The following ZDHHC13 variants were observed in gnomAD, a reference collection of about 807,000 sequenced individuals.
ZDHHC13 encodes zDHHC palmitoyltransferase 13.
In ZDHHC13, 85 loss-of-function variants were observed where a neutral mutation model predicts 86.0. The ratio of observed to expected loss-of-function variants is 0.99; its 90% CI spans 0.83 to 1.18. The LOEUF (loss-of-function observed/expected upper bound fraction) is 1.18, where lower values mean the gene tolerates loss of function less well. Among genes scored for constraint, ZDHHC13 ranks in the 50% most tolerant of loss-of-function variants. The pLI, the probability that ZDHHC13 is intolerant of heterozygous loss-of-function variation, is 0.00. For missense variants in ZDHHC13, 711 were observed against 730.2 expected (o/e 0.97, Z 0.30); for synonymous variants, 263 against 246.4 (o/e 1.07, Z -0.63).
Position 19,123,949 on chromosome 11 carries a change from A to C in ZDHHC13, c.27+6673A>C, listed in dbSNP as rs562953868. Reference sequence around the variant, plus strand: ...AGAAAGAACACGTATATACTTTGCTATTGGGACTGTGAATTGGGGAGAGTA... The same window carrying C: ...AGAAAGAACACGTATATACTTTGCTCTTGGGACTGTGAATTGGGGAGAGTA... On this transcript the variant is annotated intron_variant, in intron 1 of 16. Coordinates refer to ENST00000446113, the MANE Select transcript of ZDHHC13 (RefSeq NM_019028.3). Among the ~76,000 whole-genome samples, 165 of 152,234 alleles carry C rather than the reference A, an allele frequency of 1.1e-3. 1 individual carries two copies. The highest frequency in any genetic ancestry group is 4.0e-3 in the African/African-American group (165 of 41,552).
intron 13 of ZDHHC13, 42 bp downstream of exon 13, chr11:19,165,187 A>G (rs758626178): frequency 6.4e-6 from 10 of 1,567,602 alleles, no homozygotes; most frequent in Admixed American, 1.8e-5. Context: ...GAAGTTAAGC[A>G]TATGTTTAGT....
At chr11:19,163,047 A>G (rs1051215110) in intron 10 of ZDHHC13, among the ~76,000 whole-genome samples, 1 of 152,178 alleles carries the variant, frequency 6.6e-6, no homozygotes, top group Non-Finnish European at 1.5e-5. Context: ...GTCACTTTTC[A>G]GGATGTTCCT....
chr11:19,117,117 C>A (rs574000176), upstream of ZDHHC13: 2 of 976,662 alleles, frequency 2.0e-6, no homozygotes, highest in East Asian at 5.5e-5. This position sits in a 1 kb window ranked among gnomAD's most constrained non-coding sequence, Gnocchi z 4.2. Flanking sequence ...GCTCAGGGCA[C>A]GAGCGGGGAC....
At chr11:19,142,259 G>T (rs1357069885) in intron 1 of ZDHHC13, among the ~76,000 whole-genome samples, 1 of 152,100 alleles carries the variant, frequency 6.6e-6, no homozygotes, top group Non-Finnish European at 1.5e-5. Flanking sequence ...CCTGAAGACT[G>T]CCCACAGTTC....
chr11:19,169,050 G>T (rs1419628734), intron 14 of ZDHHC13: 4 of 985,454 alleles, frequency 4.1e-6, no homozygotes, highest in Non-Finnish European at 4.8e-6. Context: ...ATAAGATAAT[G>T]TACGTGACAA....
chr11:19,122,614 CAG>C (rs1286788045), intron 1 of ZDHHC13, among the ~76,000 whole-genome samples: 1 of 152,062 alleles, frequency 6.6e-6, no homozygotes, highest in Non-Finnish European at 1.5e-5. Flanking sequence ...ACCTTGTAAA[CAG>C]AGTATAAGGA....
At position 19,147,779 on chromosome 11, in the gene ZDHHC13, C is replaced by CCG. The variant is rs1231075190; in HGVS notation, c.374+107_374+108insGC. On this transcript the variant is annotated intron_variant, in intron 4 of 16. Transcript: ENST00000446113. ...TGAAAGGCTGTCTTTTCTTCCCCCC[C>CCG]CCCCTTTATTTAAAAATAAATTTCA... 5.5e-5 allele frequency: 42 copies of CCG among 762,606 alleles called. 2 individuals are homozygous for CCG. Among genetic ancestry groups the CCG allele is most frequent in the Middle Eastern group, 2.5e-4 (1 of 3,982 alleles). 47.2% of individuals were successfully genotyped at this position (762,606 alleles called of 1,614,324 possible).
chr11:19,169,464 G>A, intron 14 of ZDHHC13: 1 of 985,444 alleles, frequency 1.0e-6, no homozygotes, highest in East Asian at 1.1e-4. Flanking sequence ...CAGTTGACAG[G>A]AAAGTCATAG....
At chr11:19,153,605 T>C (rs1485641825) in intron 8 of ZDHHC13, among the ~76,000 whole-genome samples, 1 of 152,162 alleles carries the variant, frequency 6.6e-6, no homozygotes, top group Admixed American at 6.5e-5. Context: ...CTCTTGTTGG[T>C]AGGGTGCCCC....
intron 9 of ZDHHC13, among the ~76,000 whole-genome samples, chr11:19,156,198 T>G (rs1394458960): frequency 6.6e-6 from 1 of 152,180 alleles, no homozygotes; most frequent in Non-Finnish European, 1.5e-5. Context: ...TTTTGGTGAA[T>G]GATGGGGAGA....
chr11:19,146,136 A>G, intron 2 of ZDHHC13, 45 bp from the exon 3 acceptor site: 1 of 1,511,074 alleles, frequency 6.6e-7, no homozygotes, highest in Non-Finnish European at 8.9e-7. Context: ...GATATTTGAA[A>G]TGATTTTAAT....
chr11:19,119,401 A>G (rs891513813), intron 1 of ZDHHC13, among the ~76,000 whole-genome samples: 1 of 152,116 alleles, frequency 6.6e-6, no homozygotes, highest in African/African-American at 2.4e-5. Context: ...CACCGCTCCC[A>G]GCCTGACCTC....
Position 19,166,356 on chromosome 11 carries a change from G to A in ZDHHC13, c.1445G>A (p.Cys482Tyr). 3 of 1,612,494 alleles carry A rather than the reference G, an allele frequency of 1.9e-6. No homozygotes were observed. The highest frequency in any genetic ancestry group is 3.3e-4 in the Middle Eastern group (2 of 6,052). ...IFFLFFLSMV[C>Y]GWIIYGSFIY... Reference sequence around the variant, plus strand: ...TTCTTGTTTTTCCTTTCCATGGTATGTGGCTGGATTATATATGGATCTTTC... The same window carrying A: ...TTCTTGTTTTTCCTTTCCATGGTATATGGCTGGATTATATATGGATCTTTC... Residue 482 changes from cysteine (C) to tyrosine (Y), a missense_variant, in exon 14 of 17, where the codon TGT becomes TAT. By Grantham distance (194) the Cys-to-Tyr change is radical. Coordinates refer to ENST00000446113, the MANE Select transcript of ZDHHC13 (RefSeq NM_019028.3).
chr11:19,140,617 G>A (rs1274710424), intron 1 of ZDHHC13, among the ~76,000 whole-genome samples: 6 of 152,044 alleles, frequency 3.9e-5, no homozygotes, highest in Admixed American at 2.0e-4. Flanking sequence ...ACATGCACAC[G>A]TATGTTTATT....
At chr11:19,152,410 T>A in intron 7 of ZDHHC13, 90 bp downstream of exon 7, 1 of 1,488,248 alleles carries the variant, frequency 6.7e-7, no homozygotes, top group Admixed American at 2.3e-5. Context: ...ATAATTGTTT[T>A]CAGTTACCCC....
Position 19,158,925 on chromosome 11 carries a change from T to A in ZDHHC13, c.1008-15T>A. The stretch of plus-strand genomic sequence containing the variant: ...AAGTCATACTAATAACTTATATTTA[T>A]CTTTTTTCTTTTAGGTTCTTGGTTG... On this transcript the variant is annotated splice_polypyrimidine_tract_variant and intron_variant, in intron 9 of 16. Coordinates refer to ENST00000446113, the MANE Select transcript of ZDHHC13 (RefSeq NM_019028.3). 1 of 1,481,434 alleles carries A rather than the reference T, an allele frequency of 6.8e-7. No individual in the cohort carries two copies. The highest frequency in any genetic ancestry group is 9.0e-7 in the Non-Finnish European group (1 of 1,105,174). The allele number at this position is 1,481,434 out of a possible 1,614,324, so 91.8% of individuals were successfully genotyped here. A position where few individuals can be genotyped will look rare whatever the true frequency, so the allele number is the denominator to read the frequency against.
chr11:19,173,084 C>A (rs1386677689), intron 16 of ZDHHC13, among the ~76,000 whole-genome samples: 1 of 152,216 alleles, frequency 6.6e-6, no homozygotes, highest in East Asian at 1.9e-4. Flanking sequence ...TGGGGAATCT[C>A]TCCAGTCAAG....
chr11:19,170,255 A>G, intron 14 of ZDHHC13, 156 bp from the exon 15 acceptor site: 7 of 1,409,320 alleles, frequency 5.0e-6, no homozygotes, highest in Non-Finnish European at 6.4e-6. Flanking sequence ...TTAGTTTTTG[A>G]ACTGTCATGT....
At chr11:19,134,798 T>A (rs1849087919) in intron 1 of ZDHHC13, among the ~76,000 whole-genome samples, 2 of 152,066 alleles carry the variant, frequency 1.3e-5, no homozygotes, top group African/African-American at 2.4e-5. Context: ...ATGGCACATG[T>A]ATACCTATGT....
Sources: allele counts gnomAD v4.1 joint callset (sites outside exome capture counted in the v4.1 genomes callset), GRCh38; gene constraint gnomAD v4.1.1; non-coding constraint Gnocchi (gnomAD v3.1); transcripts MANE v1.5; gene names NCBI Gene and HGNC (gene_info 2026-07-23, HGNC 2026-07-21).